MEGF9: variants seen among roughly 807,000 people sequenced by gnomAD.
MEGF9 encodes multiple epidermal growth factor-like domains protein 9.
A neutral mutation model predicts 46.8 loss-of-function variants in MEGF9; 6 were observed. The ratio of observed to expected loss-of-function variants is 0.13; its 90% CI spans 0.07 to 0.25. The LOEUF is 0.25. Among genes scored for constraint, MEGF9 ranks in the 10% least tolerant of loss-of-function variants. The probability of loss-of-function intolerance (pLI) is 1.00; values close to 1 mark genes in which losing one functional copy is unlikely to be tolerated. For synonymous variants in MEGF9, 302 were observed against 330.7 expected, an observed-to-expected ratio of 0.91 and a Z score of 0.94; for missense variants, 683 against 792.4, an observed-to-expected ratio of 0.86 and a Z score of 1.66.
chr9:120,687,663 C>G (rs1168072390), intron 1 of MEGF9, among the ~76,000 whole-genome samples: 2 of 110,250 alleles, frequency 1.8e-5, no homozygotes, highest in Non-Finnish European at 3.7e-5. Context: ...GAAACATGAA[C>G]ACAACACTGT....
At chr9:120,708,525 T>C (rs2043938774) in intron 1 of MEGF9, among the ~76,000 whole-genome samples, 1 of 152,224 alleles carries the variant, frequency 6.6e-6, no homozygotes, top group Non-Finnish European at 1.5e-5. Context: ...TAATTAAGGT[T>C]CTTTGGGGGA....
At chr9:120,633,321 TTGCA>T (rs1387233992) in intron 2 of MEGF9, among the ~76,000 whole-genome samples, 4 of 152,164 alleles carry the variant, frequency 2.6e-5, no homozygotes, top group Non-Finnish European at 5.9e-5. Context: ...TCTTGGTAGC[TTGCA>T]TGTTTCCATA....
intron 1 of MEGF9, among the ~76,000 whole-genome samples, chr9:120,693,382 C>T (rs975184947): frequency 6.6e-6 from 1 of 151,944 alleles, no homozygotes; most frequent in Non-Finnish European, 1.5e-5. Context: ...GCAACAGCAT[C>T]CTGCTGCTTG....
intron 1 of MEGF9, among the ~76,000 whole-genome samples, chr9:120,676,134 C>T (rs2043772377): frequency 6.6e-6 from 1 of 152,026 alleles, no homozygotes; most frequent in African/African-American, 2.4e-5. Flanking sequence ...GGCAGCTTTA[C>T]AATATTCAAT....
chr9:120,700,773 A>C (rs888326698), intron 1 of MEGF9, among the ~76,000 whole-genome samples: 2 of 152,156 alleles, frequency 1.3e-5, no homozygotes, highest in Non-Finnish European at 2.9e-5. Flanking sequence ...ATTTTTAAAG[A>C]AATTTCATCT....
chr9:120,667,737 A>G (rs2043731480), intron 1 of MEGF9, among the ~76,000 whole-genome samples: 1 of 152,086 alleles, frequency 6.6e-6, no homozygotes, highest in Non-Finnish European at 1.5e-5. Flanking sequence ...AAAAAAACCA[A>G]CAAACTGGCT....
chr9:120,707,584 C>T (rs2043934464), intron 1 of MEGF9, among the ~76,000 whole-genome samples: 1 of 152,152 alleles, frequency 6.6e-6, no homozygotes, highest in South Asian at 2.1e-4. Flanking sequence ...TCTATATTAA[C>T]TTTGAAGCCT....
intron 2 of MEGF9, among the ~76,000 whole-genome samples, chr9:120,646,087 C>CA (rs908395952): frequency 2.6e-5 from 4 of 152,244 alleles, no homozygotes; most frequent in Non-Finnish European, 5.9e-5. Flanking sequence ...TGTATTAATG[C>CA]AAAAATTACA....
rs772894540 is a variant in MEGF9 at position 120,689,964 on chromosome 9, G to C, written c.601+23794C>G. 5.6e-6 allele frequency: 3 copies of C among 532,430 alleles called. No individual in the cohort carries two copies. The East Asian group carries it at 1.6e-4, about 29-fold the overall frequency. The allele number at this position is 532,430 out of a possible 1,614,324, so 33.0% of individuals were successfully genotyped here. On this transcript the variant is annotated intron_variant, in intron 1 of 5. Transcript: ENST00000373930. Reference sequence around the variant, plus strand: ...TTCTGAGACTCTAAGATTCATGACTGGCTGTGTAAGAGGCAAGTACTTGCT... The same window carrying C: ...TTCTGAGACTCTAAGATTCATGACTCGCTGTGTAAGAGGCAAGTACTTGCT...
chr9:120,692,838 A>G (rs555445753), intron 1 of MEGF9, among the ~76,000 whole-genome samples: 169 of 152,080 alleles, frequency 1.1e-3, no homozygotes, highest in Non-Finnish European at 2.0e-3. Context: ...TCAAGACTCC[A>G]CTGAGAGAAA....
At chr9:120,675,427 TAA>T (rs1465242031) in intron 1 of MEGF9, among the ~76,000 whole-genome samples, 1 of 151,582 alleles carries the variant, frequency 6.6e-6, no homozygotes. Context: ...CTTTATAATA[TAA>T]AAAATTTTTA....
At chr9:120,695,684 TG>T (rs1283217507) in intron 1 of MEGF9, among the ~76,000 whole-genome samples, 1 of 149,214 alleles carries the variant, frequency 6.7e-6, no homozygotes, top group Non-Finnish European at 1.5e-5. Context: ...GCTGTAAGGA[TG>T]TTTTTAAAGG....
intron 1 of MEGF9, among the ~76,000 whole-genome samples, chr9:120,702,791 C>T (rs764558849): frequency 6.6e-6 from 1 of 152,014 alleles, no homozygotes; most frequent in Non-Finnish European, 1.5e-5. Context: ...GACCTGTTGG[C>T]CTCTCCAGTC....
rs1170322238 is a variant in MEGF9 at position 120,628,468 on chromosome 9, G to GTTTTTTT, written c.804-5720_804-5714dup. 5.9e-4 allele frequency among the ~76,000 whole-genome samples: 41 copies of GTTTTTTT among 69,060 alleles called. 10 individuals are homozygous for GTTTTTTT. Among genetic ancestry groups the GTTTTTTT allele is most frequent in the East Asian group, 1.4e-3 (3 of 2,194 alleles). 45.3% of individuals were successfully genotyped at this position (69,060 alleles called of 152,430 possible). On this transcript the variant is annotated intron_variant, in intron 2 of 5. Coordinates refer to ENST00000373930, the MANE Select transcript of MEGF9 (RefSeq NM_001080497.3). Reference sequence around the variant, plus strand: ...TATTCAGACAGAAATTCTTGTCGTTGTTTTTTTTTTTTTTTTTTTTTTTTT... The same window carrying GTTTTTTT: ...TATTCAGACAGAAATTCTTGTCGTTGTTTTTTTTTTTTTTTTTTTTTTTTTTTTTTTT...
intron 1 of MEGF9, among the ~76,000 whole-genome samples, chr9:120,685,015 T>C (rs1213805000): frequency 6.6e-6 from 1 of 152,156 alleles, no homozygotes; most frequent in Non-Finnish European, 1.5e-5. Context: ...TTTGTATTTT[T>C]AGTAGAGACA....
chr9:120,656,416 G>T (rs904104926), intron 2 of MEGF9, among the ~76,000 whole-genome samples: 1 of 151,492 alleles, frequency 6.6e-6, no homozygotes, highest in South Asian at 2.1e-4. Flanking sequence ...GCGTGGTGGC[G>T]GGTGCCTGTA....
chr9:120,656,307 G>GGAGGCTAAGGCAGGCA (rs1320823713), intron 2 of MEGF9, among the ~76,000 whole-genome samples: 1 of 152,112 alleles, frequency 6.6e-6, no homozygotes, highest in Non-Finnish European at 1.5e-5. Flanking sequence ...CAGCACTTTG[G>GGAGGCTAAGGCAGGCA]GAGGCTAAGG....
chr9:120,633,232 T>C (rs553858455), intron 2 of MEGF9, among the ~76,000 whole-genome samples: 5 of 152,310 alleles, frequency 3.3e-5, no homozygotes, highest in East Asian at 1.9e-4. Context: ...CTTTTCTTTA[T>C]TGGGAGGCTT....
At chr9:120,711,013 G>C (rs1039800316) in intron 1 of MEGF9, among the ~76,000 whole-genome samples, 1 of 152,134 alleles carries the variant, frequency 6.6e-6, no homozygotes, top group South Asian at 2.1e-4. Context: ...CATCACAGAC[G>C]TAAGTATAAT....
Sources: allele counts gnomAD v4.1 joint callset (sites outside exome capture counted in the v4.1 genomes callset), GRCh38; gene constraint gnomAD v4.1.1; transcripts MANE v1.5; gene names NCBI Gene and HGNC (gene_info 2026-07-23, HGNC 2026-07-21).